PDGFD: variants seen among roughly 807,000 people sequenced by gnomAD.
PDGFD encodes platelet-derived growth factor D.
PDGFD carries 30 observed loss-of-function variants against 44.7 expected under a neutral mutation model. That is an observed-to-expected ratio of 0.67 (90% CI 0.50 to 0.91). PDGFD has a LOEUF of 0.91. PDGFD is among the 40% of genes least tolerant of loss of function. The pLI, the probability that PDGFD is intolerant of heterozygous loss-of-function variation, is 0.00. For synonymous variants in PDGFD, 173 were observed against 168.4 expected, an observed-to-expected ratio of 1.03 and a Z score of -0.21; for missense variants, 445 against 457.8, an observed-to-expected ratio of 0.97 and a Z score of 0.25.
intron 1 of PDGFD, among the ~76,000 whole-genome samples, chr11:104,149,297 A>G (rs569706868): frequency 2.0e-5 from 3 of 152,342 alleles, no homozygotes; most frequent in African/African-American, 7.2e-5. Context: ...TAGTTGGTAT[A>G]AACAAGAATT....
chr11:104,011,176 C>T (rs1859780687), intron 1 of PDGFD, among the ~76,000 whole-genome samples: 1 of 151,906 alleles, frequency 6.6e-6, no homozygotes, highest in South Asian at 2.1e-4. Context: ...AGGCAATGAT[C>T]GTAAAATATC....
chr11:103,909,870 G>A, intron 6 of PDGFD, 51 bp from the exon 7 acceptor site: 1 of 1,609,752 alleles, frequency 6.2e-7, no homozygotes, highest in Non-Finnish European at 8.5e-7. Flanking sequence ...GTTCAACTCA[G>A]TCAGATGCCA....
chr11:104,103,473 T>C (rs1208907348), intron 1 of PDGFD, among the ~76,000 whole-genome samples: 1 of 132,432 alleles, frequency 7.6e-6, no homozygotes, highest in Non-Finnish European at 1.6e-5. Context: ...TATATATATA[T>C]ATATATATAT....
At chr11:104,053,516 G>A (rs1332571875) in intron 1 of PDGFD, among the ~76,000 whole-genome samples, 1 of 152,042 alleles carries the variant, frequency 6.6e-6, no homozygotes, top group Non-Finnish European at 1.5e-5. Flanking sequence ...CTTCAGATTG[G>A]GTTATTGCTT....
At chr11:103,956,371 G>A (rs1858849064) in intron 3 of PDGFD, among the ~76,000 whole-genome samples, 1 of 149,542 alleles carries the variant, frequency 6.7e-6, no homozygotes, top group South Asian at 2.1e-4. Flanking sequence ...TTTCATCCAT[G>A]TCCCTACAAA....
At chr11:103,930,789 A>G (rs538118118) in intron 5 of PDGFD, among the ~76,000 whole-genome samples, 14 of 152,294 alleles carry the variant, frequency 9.2e-5, no homozygotes, top group African/African-American at 3.4e-4. Context: ...CATTTTCACA[A>G]TGTCATTAAT....
chr11:104,000,028 T>TA, intron 2 of PDGFD, 23 bp downstream of exon 2: 1 of 1,590,118 alleles, frequency 6.3e-7, no homozygotes, highest in Non-Finnish European at 8.6e-7. Context: ...AATAGTACCG[T>TA]AAAAATTTTT....
At chr11:104,156,249 G>A (rs1351736) in intron 1 of PDGFD, among the ~76,000 whole-genome samples, 11,090 of 152,202 alleles carry the variant, frequency 0.073, 479 homozygotes, top group East Asian at 0.11. Flanking sequence ...GCTACTTGTG[G>A]AAGGGTGAGG....
intron 1 of PDGFD, among the ~76,000 whole-genome samples, chr11:104,053,342 A>G (rs1362092564): frequency 6.6e-6 from 1 of 152,220 alleles, no homozygotes; most frequent in Non-Finnish European, 1.5e-5. Flanking sequence ...ATGCAAAATA[A>G]CTGAAATTTA....
intron 1 of PDGFD, among the ~76,000 whole-genome samples, chr11:104,015,913 T>C (rs866492315): frequency 6.6e-6 from 1 of 152,220 alleles, no homozygotes; most frequent in Admixed American, 6.6e-5. Context: ...GTTTTTACTA[T>C]CAATTTCATG....
At chr11:104,129,667 T>A (rs1047360288) in intron 1 of PDGFD, among the ~76,000 whole-genome samples, 1 of 152,112 alleles carries the variant, frequency 6.6e-6, no homozygotes, top group Non-Finnish European at 1.5e-5. Flanking sequence ...TTAAATACTG[T>A]AATCAGTGTT....
At chr11:104,034,604 T>A (rs1363771413) in intron 1 of PDGFD, among the ~76,000 whole-genome samples, 1 of 151,242 alleles carries the variant, frequency 6.6e-6, no homozygotes, top group African/African-American at 2.4e-5. Context: ...CACCTGGGAG[T>A]ACCAAGCCAG....
intron 3 of PDGFD, among the ~76,000 whole-genome samples, chr11:103,995,053 A>T (rs963982553): frequency 6.6e-6 from 1 of 151,360 alleles, no homozygotes; most frequent in South Asian, 2.1e-4. Flanking sequence ...AAATTTTTAA[A>T]TTTTTTTTGT....
chr11:103,975,517 T>C (rs1023189866), intron 3 of PDGFD, among the ~76,000 whole-genome samples: 2 of 152,234 alleles, frequency 1.3e-5, no homozygotes, highest in Non-Finnish European at 2.9e-5. Flanking sequence ...TTGTCAATTT[T>C]GGCTTTTGTT....
chr11:104,055,961 C>G (rs1860611824), intron 1 of PDGFD, among the ~76,000 whole-genome samples: 1 of 152,000 alleles, frequency 6.6e-6, no homozygotes, highest in Non-Finnish European at 1.5e-5. Flanking sequence ...AAATAACAGG[C>G]CTAATAAAAA....
chr11:104,010,665 T>C lies in PDGFD; in HGVS notation c.125-10410A>G, dbSNP rs552129941. On this transcript the variant is annotated intron_variant, in intron 1 of 6. Transcript: ENST00000393158. ...AATCTGGATAAAGATTGACCCAAAATAACCATGGTAGATTTTATCACATTC... is the reference window on the plus strand; with the variant it reads ...AATCTGGATAAAGATTGACCCAAAACAACCATGGTAGATTTTATCACATTC... Among the ~76,000 whole-genome samples the C allele has an allele frequency of 1.1e-4, 17 of 152,226 alleles. No homozygotes were observed. In the South Asian group the frequency reaches 3.5e-3, roughly 32 times the overall value.
At chr11:104,037,935 G>A (rs1860280912) in intron 1 of PDGFD, 7 of 1,614,140 alleles carry the variant, frequency 4.3e-6, no homozygotes, top group Non-Finnish European at 5.9e-6. Flanking sequence ...TATGCTCTAG[G>A]ATGGTAAGTG....
intron 3 of PDGFD, among the ~76,000 whole-genome samples, chr11:103,954,969 C>G (rs959148068): frequency 1.3e-5 from 2 of 151,102 alleles, no homozygotes; most frequent in Non-Finnish European, 3.0e-5. Context: ...TCGAGACCAT[C>G]CCGGCTAAAA....
chr11:103,947,632 T>C, intron 4 of PDGFD, 30 bp downstream of exon 4: 2 of 1,589,354 alleles, frequency 1.3e-6, no homozygotes, highest in Non-Finnish European at 1.7e-6. Flanking sequence ...TCCGTTTCTT[T>C]TGCTGGCAAC....
Sources: gnomAD v4.1 joint callset for allele counts (sites outside exome capture counted in the v4.1 genomes callset) on GRCh38, gnomAD v4.1.1 for gene constraint, MANE v1.5 for transcripts, NCBI Gene and HGNC (gene_info 2026-07-23, HGNC 2026-07-21) for gene names.